The following HCRTR2 variants were observed in gnomAD, a reference collection of about 807,000 sequenced individuals.
HCRTR2 encodes the protein hypocretin receptor 2.
HCRTR2 carries 22 observed loss-of-function variants against 49.0 expected under a neutral mutation model. That is an observed-to-expected ratio of 0.45 (90% CI 0.32 to 0.64). HCRTR2 has a LOEUF of 0.64. HCRTR2 is among the 30% of genes least tolerant of loss of function. The pLI is 0.04. For synonymous variants in HCRTR2, 236 were observed against 205.3 expected, an observed-to-expected ratio of 1.15 and a Z score of -1.28; for missense variants, 491 against 559.4, an observed-to-expected ratio of 0.88 and a Z score of 1.23.
chr6:55,247,946 G>A (rs1766477468), intron 1 of HCRTR2, among the ~76,000 whole-genome samples: 1 of 152,116 alleles, frequency 6.6e-6, no homozygotes, highest in Admixed American at 6.6e-5. Context: ...AAGACCACAA[G>A]CATTGGAGCT....
chr6:55,154,144 C>T (rs1447767003), intron 1 of HCRTR2, among the ~76,000 whole-genome samples: 1 of 151,726 alleles, frequency 6.6e-6, no homozygotes, highest in African/African-American at 2.4e-5. Context: ...AAAAACCTCC[C>T]AAGAAGAAGA....
intron 1 of HCRTR2, among the ~76,000 whole-genome samples, chr6:55,217,632 T>G (rs1172018071): frequency 1.3e-5 from 2 of 152,218 alleles, no homozygotes; most frequent in African/African-American, 4.8e-5. Flanking sequence ...CCTTTCTGTC[T>G]GAAACCTCAT....
intron 2 of HCRTR2, among the ~76,000 whole-genome samples, chr6:55,254,865 T>G (rs1461647474): frequency 1.3e-5 from 2 of 152,026 alleles, no homozygotes; most frequent in Non-Finnish European, 2.9e-5. Flanking sequence ...ATATTATAAA[T>G]TAAGACATTT....
chr6:55,109,442 G>A lies in HCRTR2; in HGVS notation c.-378+2897G>A, dbSNP rs116533097. Among the ~76,000 whole-genome samples the A allele has an allele frequency of 9.1e-3, 1,377 of 151,924 alleles. 14 individuals carry two copies. The highest frequency in any genetic ancestry group is 0.032 in the South Asian group (155 of 4,818). The stretch of plus-strand genomic sequence containing the variant: ...GCTACTCAAGGAGGCACCAGAGAAA[G>A]GTGAATACCAACTTAAAGAAATTAA... On this transcript the variant is annotated intron_variant, in intron 1 of 7. Transcript: ENST00000615358.
chr6:55,108,202 G>C (rs568616702), intron 1 of HCRTR2, among the ~76,000 whole-genome samples: 1 of 152,030 alleles, frequency 6.6e-6, no homozygotes, highest in African/African-American at 2.4e-5. Flanking sequence ...GCTTCATAAG[G>C]AGATAAACTT....
intron 3 of HCRTR2, among the ~76,000 whole-genome samples, chr6:55,259,677 T>G (rs1562025129): frequency 6.6e-6 from 1 of 151,652 alleles, no homozygotes; most frequent in Admixed American, 6.6e-5. Flanking sequence ...TATATAAAAT[T>G]TATTTAGATT....
intron 5 of HCRTR2, among the ~76,000 whole-genome samples, chr6:55,278,827 C>A (rs1467765465): frequency 1.3e-5 from 2 of 151,330 alleles, no homozygotes; most frequent in Admixed American, 6.6e-5. Context: ...CTTTTAAGAA[C>A]TTTATAAACA....
intron 1 of HCRTR2, among the ~76,000 whole-genome samples, chr6:55,148,237 C>G (rs538263939): frequency 2.4e-4 from 37 of 151,648 alleles, no homozygotes; most frequent in Non-Finnish European, 4.4e-4. Context: ...GTGAAATGAT[C>G]GTGTGTGTGT....
At chr6:55,151,927 T>G (rs911447904) in intron 1 of HCRTR2, among the ~76,000 whole-genome samples, 4 of 151,984 alleles carry the variant, frequency 2.6e-5, no homozygotes, top group African/African-American at 9.7e-5. Flanking sequence ...GCCAGTGCAT[T>G]TTCAATGAGC....
chr6:55,229,195 TA>T (rs1217915105), intron 1 of HCRTR2, among the ~76,000 whole-genome samples: 2 of 152,204 alleles, frequency 1.3e-5, no homozygotes, highest in African/African-American at 4.8e-5. Context: ...GCAGCCACTA[TA>T]AAAATTTTTT....
intron 1 of HCRTR2, among the ~76,000 whole-genome samples, chr6:55,245,429 G>A (rs1202007457): frequency 3.7e-5 from 4 of 108,434 alleles, no homozygotes; most frequent in African/African-American, 1.0e-4. Context: ...ATACATACAT[G>A]TATATATACC....
intron 1 of HCRTR2, among the ~76,000 whole-genome samples, chr6:55,154,418 C>T (rs1469956117): frequency 6.6e-6 from 1 of 151,760 alleles, no homozygotes; most frequent in African/African-American, 2.4e-5. Flanking sequence ...TTAAAAAGAT[C>T]ATATAGCATG....
At chr6:55,187,682 C>CTTTTTTTTTTTTT (rs5876430) in intron 1 of HCRTR2, among the ~76,000 whole-genome samples, 1 of 102,238 alleles carries the variant, frequency 9.8e-6, no homozygotes, top group Non-Finnish European at 1.8e-5. Flanking sequence ...ATTATTTGAT[C>CTTTTTTTTTTTTT]TTTTTTTTTT....
intron 1 of HCRTR2, among the ~76,000 whole-genome samples, chr6:55,155,747 A>T (rs543721554): frequency 1.6e-3 from 240 of 152,154 alleles, no homozygotes; most frequent in Non-Finnish European, 2.3e-3. Flanking sequence ...TGACAAAAAA[A>T]TCAGATTGAA....
chr6:55,204,772 C>T (rs927568168), intron 1 of HCRTR2, among the ~76,000 whole-genome samples: 6 of 151,928 alleles, frequency 3.9e-5, no homozygotes, highest in African/African-American at 7.2e-5. Context: ...CTCTCCCCTG[C>T]CTTCCCCTCC....
intron 2 of HCRTR2, among the ~76,000 whole-genome samples, chr6:55,250,036 G>A (rs566248373): frequency 7.9e-5 from 12 of 152,206 alleles, no homozygotes; most frequent in Middle Eastern, 3.4e-3. Flanking sequence ...GTTGCAAAGA[G>A]ATATTTAGTT....
At chr6:55,221,644 T>A (rs1220920322) in intron 1 of HCRTR2, among the ~76,000 whole-genome samples, 1 of 151,970 alleles carries the variant, frequency 6.6e-6, no homozygotes, top group East Asian at 1.9e-4. Context: ...AAACCCCGTC[T>A]CTACTAAAAA....
At chr6:55,158,689 G>T (rs1304617386) in intron 1 of HCRTR2, among the ~76,000 whole-genome samples, 2 of 152,200 alleles carry the variant, frequency 1.3e-5, no homozygotes, top group Middle Eastern at 3.2e-3. Flanking sequence ...AAAGCCACTG[G>T]GAAGTTAAAG....
intron 1 of HCRTR2, among the ~76,000 whole-genome samples, chr6:55,220,370 G>A (rs1765868489): frequency 6.6e-6 from 1 of 152,140 alleles, no homozygotes; most frequent in South Asian, 2.1e-4. Context: ...TGACCAAGTT[G>A]AATTTATCTC....
Sources: gnomAD v4.1 joint callset for allele counts (sites outside exome capture counted in the v4.1 genomes callset) on GRCh38, gnomAD v4.1.1 for gene constraint, MANE v1.5 for transcripts, NCBI Gene and HGNC (gene_info 2026-07-23, HGNC 2026-07-21) for gene names.